Variants in PUF60 observed in about 807,000 individuals in gnomAD.
PUF60 encodes poly(U)-binding-splicing factor PUF60.
In PUF60, 10 loss-of-function variants were observed where a neutral mutation model predicts 61.8. The observed-to-expected ratio is 0.16, with a 90% confidence interval of 0.10 to 0.27. The LOEUF is 0.27. Among genes scored for constraint, PUF60 ranks in the 10% least tolerant of loss-of-function variants. The pLI is 1.00. For missense variants in PUF60, 371 were observed against 754.0 expected, an observed-to-expected ratio of 0.49 and a Z score of 5.95; for synonymous variants, 353 against 300.9, an observed-to-expected ratio of 1.17 and a Z score of -1.79.
At chr8:143,819,811 C>T (rs956988428) in intron 5 of PUF60, among the ~76,000 whole-genome samples, 3 of 152,136 alleles carry the variant, frequency 2.0e-5, no homozygotes, top group Non-Finnish European at 4.4e-5. Flanking sequence ...CAAGACAGGG[C>T]CATGTCTCCT....
intron 1 of PUF60, chr8:143,828,979 C>T: frequency 1.0e-6 from 1 of 991,148 alleles, no homozygotes; most frequent in South Asian, 4.7e-5. Context: ...CCCCGCTTGC[C>T]GGACCTAGCG....
At chr8:143,819,781 C>G (rs1190732178) in intron 5 of PUF60, among the ~76,000 whole-genome samples, 1 of 152,110 alleles carries the variant, frequency 6.6e-6, no homozygotes, top group Non-Finnish European at 1.5e-5. Flanking sequence ...CCAGGCCTGT[C>G]CCTCAGGTCA....
In PUF60 at chr8:143,821,401, G is replaced by T. The variant is rs940134026; in HGVS notation, c.297+196C>A. The stretch of plus-strand genomic sequence containing the variant: ...GGGCTGCGGCGCTTTAGGGGCTCCA[G>T]CGAGCAACAGGTGGGAAAGGCTGGG... On this transcript the variant is annotated intron_variant, in intron 4 of 11. Transcript: ENST00000526683. The T allele has an allele frequency of 4.9e-6, 3 of 611,664 alleles. No homozygotes were observed. The African/African-American group carries it at 5.5e-5, about 11-fold the overall frequency. The allele number at this position is 611,664 out of a possible 1,614,324, so 37.9% of individuals were successfully genotyped here. A position where few individuals can be genotyped will look rare whatever the true frequency, so the allele number is the denominator to read the frequency against.
chr8:143,822,251 C>G (rs1308712787), intron 2 of PUF60, among the ~76,000 whole-genome samples: 1 of 152,170 alleles, frequency 6.6e-6, no homozygotes, highest in Non-Finnish European at 1.5e-5. Context: ...GCTGCTATCA[C>G]ATGCCCGGCA....
At chr8:143,827,496 G>A (rs1733199856) in intron 1 of PUF60, 1 of 455,484 alleles carries the variant, frequency 2.2e-6, no homozygotes, top group African/African-American at 2.0e-5. Flanking sequence ...CCAGGCCACT[G>A]TCAGCCAAGT....
At position 143,829,293 on chromosome 8, in the gene PUF60, G is replaced by C. The variant is rs200179503; in HGVS notation, c.11C>G (p.Ala4Gly). The C allele has an allele frequency of 2.4e-4, 304 of 1,267,192 alleles. 2 individuals are homozygous for C. The Middle Eastern group carries it at 3.7e-3, about 15-fold the overall frequency. The allele number at this position is 1,267,192 out of a possible 1,614,324, so 78.5% of individuals were successfully genotyped here. ...GGGCTCACTTACGAGAGCTATGGTC[G>C]CCGTCGCCATCTTGCGTCCGTCGCG... MAT[A>G]TIALQVNGQQ... The change falls in exon 1 of 12, where the codon GCG becomes GGG. Residue 4 changes from alanine to glycine, a missense_variant. By Grantham distance (60) the Ala-to-Gly change is moderately conservative. This residue lies in a region of PUF60 where 69 missense variants were observed against 64.7 expected (regional missense o/e 1.07). Transcript: ENST00000526683.
Position 143,817,266 on chromosome 8 carries a change from G to A in PUF60, c.1144+65C>T, listed in dbSNP as rs773871409. ...CCCAGACCACCAGGGCCAGGCAGCT[G>A]AGGGCAGCGAGCCGAGAGATGCCAG... is the stretch of plus-strand genomic sequence containing the variant. On this transcript the variant is annotated intron_variant, in intron 10 of 11. Coordinates refer to ENST00000526683, the MANE Select transcript of PUF60 (RefSeq NM_078480.3). This position sits in a 1 kb window ranked among gnomAD's most constrained non-coding sequence, Gnocchi z 7.4. The A allele has an allele frequency of 9.7e-6, 15 of 1,544,454 alleles. No individual in the cohort carries two copies. The highest frequency in any genetic ancestry group is 1.2e-5 in the South Asian group (1 of 80,068).
At chr8:143,821,392 G>A (rs1302505725) in intron 4 of PUF60, 6 of 607,746 alleles carry the variant, frequency 9.9e-6, no homozygotes, top group Non-Finnish European at 5.9e-6. Flanking sequence ...CGGCGCTTTA[G>A]GGGCTCCAGC....
intron 2 of PUF60, 63 bp from the exon 3 acceptor site, chr8:143,821,976 G>T: frequency 7.8e-7 from 1 of 1,278,014 alleles, no homozygotes; most frequent in Non-Finnish European, 1.1e-6. Context: ...GTGGCCCCAG[G>T]AGGGCCACCC....
Position 143,816,453 on chromosome 8 carries a change from C to T in PUF60, c.*67G>A. The T allele has an allele frequency of 6.5e-7, 1 of 1,536,794 alleles. No individual in the cohort carries two copies. The highest frequency in any genetic ancestry group is 8.8e-7 in the Non-Finnish European group (1 of 1,141,548). ...CAGAGCGCGCCTGGCCCCGGGGACA[C>T]CACTGTATCACTATAAAACCCAGAG... On this transcript the variant is annotated 3_prime_UTR_variant, in exon 12 of 12. Coordinates refer to ENST00000526683, the MANE Select transcript of PUF60 (RefSeq NM_078480.3).
At chr8:143,821,337 G>A in intron 4 of PUF60, 1 of 588,480 alleles carries the variant, frequency 1.7e-6, no homozygotes, top group Non-Finnish European at 3.0e-6. Context: ...AGACCAGGAA[G>A]GGGAAAAGGG....
At chr8:143,824,710 G>C (rs756396453) in intron 1 of PUF60, 1 of 407,748 alleles carries the variant, frequency 2.5e-6, no homozygotes, top group Non-Finnish European at 4.5e-6. Context: ...CTCTCCTGCC[G>C]GCAGGCTGGA....
chr8:143,820,439 T>G, intron 5 of PUF60: 858 of 531,280 alleles, frequency 1.6e-3, no homozygotes, highest in Middle Eastern at 3.7e-3. Context: ...ACCTGGCCGA[T>G]TAGTTTTAAG....
chr8:143,818,796 C>G lies in PUF60; in HGVS notation c.349-262G>C, dbSNP rs990504135. Reference sequence around the variant, plus strand: ...CCCAGGCAGACTGCGGCAGCAAAGCCGACAGATGGTCAGGAGGCAGGGCTG... The same window carrying G: ...CCCAGGCAGACTGCGGCAGCAAAGCGGACAGATGGTCAGGAGGCAGGGCTG... On this transcript the variant is annotated intron_variant, in intron 5 of 11. Coordinates refer to ENST00000526683, the MANE Select transcript of PUF60 (RefSeq NM_078480.3). The surrounding 1 kb of genome is among the most constrained non-coding windows in gnomAD (Gnocchi z 7.9). 1 of 531,660 alleles carries G rather than the reference C, an allele frequency of 1.9e-6. No homozygotes were observed. The allele number at this position is 531,660 out of a possible 1,614,324, so 32.9% of individuals were successfully genotyped here.
At chr8:143,824,252 AGGCGGGCGGGCGGGCG>A in intron 2 of PUF60, 45 bp downstream of exon 2, 2 of 1,471,802 alleles carry the variant, frequency 1.4e-6, no homozygotes, top group Admixed American at 2.0e-5. Flanking sequence ...ACGCACAGGC[AGGCGGGCGGGCGGGCG>A]GGCAGGCGGG....
chr8:143,825,647 T>C (rs1817558848), intron 1 of PUF60, among the ~76,000 whole-genome samples: 1 of 152,270 alleles, frequency 6.6e-6, no homozygotes, highest in African/African-American at 2.4e-5. Flanking sequence ...CACACCTGGC[T>C]AATTTTTGTA....
chr8:143,818,612 C>A lies in PUF60; in HGVS notation c.349-78G>T, dbSNP rs1469362868. On this transcript the variant is annotated intron_variant, in intron 5 of 11. Coordinates refer to ENST00000526683, the MANE Select transcript of PUF60 (RefSeq NM_078480.3). The surrounding 1 kb of genome is among the most constrained non-coding windows in gnomAD (Gnocchi z 7.9). ...GCTGGGCAGCCCACTCCCCTCCTGGCCCACCCACCCAGCCCTGCTGTGGGG... is the reference window on the plus strand; with the variant it reads ...GCTGGGCAGCCCACTCCCCTCCTGGACCACCCACCCAGCCCTGCTGTGGGG... The A allele has an allele frequency of 1.5e-5, 21 of 1,432,814 alleles. No individual in the cohort carries two copies. Among genetic ancestry groups the A allele is most frequent in the Non-Finnish European group, 2.0e-5 (21 of 1,073,256 alleles). The allele number at this position is 1,432,814 out of a possible 1,614,324, so 88.8% of individuals were successfully genotyped here.
At chr8:143,822,725 T>G (rs1817161277) in intron 2 of PUF60, 2 of 367,470 alleles carry the variant, frequency 5.4e-6, no homozygotes, top group South Asian at 4.0e-5. Flanking sequence ...AAAATCCATC[T>G]CTAAGCTTTT....
chr8:143,817,531 T>C lies in PUF60; in HGVS notation c.1008+61A>G. ...GCTACTCAAGACCACCTTGAATCAG[T>C]CTCCAAGGAATCAGGGGCCAGCCCG... On this transcript the variant is annotated intron_variant, in intron 9 of 11. Transcript: ENST00000526683. This position sits in a 1 kb window ranked among gnomAD's most constrained non-coding sequence, Gnocchi z 7.4. 6.2e-7 allele frequency: 1 copy of C among 1,608,116 alleles called. No homozygotes were observed. Among genetic ancestry groups the C allele is most frequent in the East Asian group, 2.2e-5 (1 of 44,868 alleles).
Sources: allele counts gnomAD v4.1 joint callset (sites outside exome capture counted in the v4.1 genomes callset), GRCh38; gene constraint gnomAD v4.1.1; regional missense constraint gnomAD v4.1.1; non-coding constraint Gnocchi (gnomAD v3.1); transcripts MANE v1.5; gene names NCBI Gene and HGNC (gene_info 2026-07-23, HGNC 2026-07-21).